HDAC9: variants seen among roughly 807,000 people sequenced by gnomAD.
The protein encoded by HDAC9 is histone deacetylase 9.
A neutral mutation model predicts 139.4 loss-of-function variants in HDAC9; 41 were observed. The observed-to-expected ratio is 0.29, with a 90% CI of 0.23 to 0.38. The LOEUF (loss-of-function observed/expected upper bound fraction) is 0.38. HDAC9 is among the 10% of genes least tolerant of loss of function. The pLI, the probability that HDAC9 is intolerant of heterozygous loss-of-function variation, is 1.00. For synonymous variants in HDAC9, 517 were observed against 476.2 expected (o/e 1.09, Z -1.12); for missense variants, 1,147 against 1,297.0 (o/e 0.88, Z 1.78).
At chr7:18,706,810 T>C (rs1209829215) in intron 12 of HDAC9, among the ~76,000 whole-genome samples, 1 of 152,092 alleles carries the variant, frequency 6.6e-6, no homozygotes, top group Non-Finnish European at 1.5e-5. Flanking sequence ...TTCAGAAAGC[T>C]TGGGAAGAGG....
chr7:18,697,504 T>G (rs1461539570), intron 12 of HDAC9, among the ~76,000 whole-genome samples: 3 of 152,182 alleles, frequency 2.0e-5, no homozygotes, highest in Admixed American at 1.3e-4. Context: ...TGCTGAAAAT[T>G]ATCTTGCTGT....
intron 2 of HDAC9, among the ~76,000 whole-genome samples, chr7:18,267,781 T>C (rs566185685): frequency 6.6e-6 from 1 of 152,250 alleles, no homozygotes; most frequent in Admixed American, 6.5e-5. Flanking sequence ...CTCTTTGACA[T>C]ATTTACTTCA....
In HDAC9 at chr7:18,412,167, G is replaced by T. The variant is rs144355990; in HGVS notation, c.-41-84095G>T. 7.7e-4 allele frequency among the ~76,000 whole-genome samples: 117 copies of T among 152,152 alleles called. 2 individuals carry two copies. The highest frequency in any genetic ancestry group is 2.6e-3 in the African/African-American group (108 of 41,500). On this transcript the variant is annotated intron_variant, in intron 1 of 3. Coordinates refer to the HDAC9 transcript ENST00000413509. ...TTTCAATGTATGATGGGCTTATAGG[G>T]TTATAACCCCATCCTAAGTGGAGGA...
intron 1 of HDAC9, among the ~76,000 whole-genome samples, chr7:18,156,048 C>T (rs1787173765): frequency 6.6e-6 from 1 of 152,168 alleles, no homozygotes; most frequent in Non-Finnish European, 1.5e-5. Flanking sequence ...GCACTGTGAG[C>T]ACAGTCCTGC....
intron 2 of HDAC9, among the ~76,000 whole-genome samples, chr7:18,547,305 C>G (rs577332750): frequency 5.6e-4 from 85 of 152,174 alleles, no homozygotes; most frequent in African/African-American, 1.7e-3. Context: ...GCACGATCTC[C>G]GCTCACTGCA....
intron 1 of HDAC9, among the ~76,000 whole-genome samples, chr7:18,114,866 T>C (rs1783862225): frequency 6.6e-6 from 1 of 152,242 alleles, no homozygotes; most frequent in Non-Finnish European, 1.5e-5. Flanking sequence ...ATATTCAGAC[T>C]TCTTGTTTGA....
At chr7:18,333,455 C>G (rs901548725) in intron 1 of HDAC9, among the ~76,000 whole-genome samples, 2 of 151,518 alleles carry the variant, frequency 1.3e-5, no homozygotes, top group Non-Finnish European at 3.0e-5. Context: ...CTATGTTCAT[C>G]TGCTTCACTA....
At chr7:18,578,316 A>G in intron 2 of HDAC9, 1 of 481,664 alleles carries the variant, frequency 2.1e-6, no homozygotes, top group Non-Finnish European at 4.2e-6. Context: ...CCCTTCACAC[A>G]TGTTAGCCTG....
intron 2 of HDAC9, among the ~76,000 whole-genome samples, chr7:18,212,772 A>G (rs1177977608): frequency 6.6e-6 from 1 of 152,212 alleles, no homozygotes; most frequent in Non-Finnish European, 1.5e-5. Context: ...CTTGTAGTCC[A>G]TCTGTGCAGC....
intron 17 of HDAC9, among the ~76,000 whole-genome samples, chr7:18,811,375 A>T (rs564605899): frequency 1.3e-5 from 2 of 151,904 alleles, no homozygotes; most frequent in East Asian, 3.9e-4. Flanking sequence ...TACAGCATTT[A>T]TTGCTATAAA....
At chr7:18,380,982 G>A (rs572241015) in intron 1 of HDAC9, among the ~76,000 whole-genome samples, 2 of 152,088 alleles carry the variant, frequency 1.3e-5, no homozygotes, top group South Asian at 4.1e-4. Flanking sequence ...CAGATCGCTT[G>A]AGGCCAGGAA....
chr7:18,780,306 C>T (rs1159719551), intron 16 of HDAC9, among the ~76,000 whole-genome samples: 1 of 152,054 alleles, frequency 6.6e-6, no homozygotes, highest in Non-Finnish European at 1.5e-5. Flanking sequence ...AAATTTAAAA[C>T]AGCTTTTTAC....
chr7:18,816,508 A>G (rs915817690), intron 17 of HDAC9, among the ~76,000 whole-genome samples: 17 of 152,218 alleles, frequency 1.1e-4, no homozygotes, highest in African/African-American at 4.1e-4. Flanking sequence ...ATTTAACAGG[A>G]TATTAACTGT....
intron 23 of HDAC9, among the ~76,000 whole-genome samples, chr7:18,946,694 G>A (rs1285903472): frequency 6.6e-6 from 1 of 151,920 alleles, no homozygotes; most frequent in African/African-American, 2.4e-5. Flanking sequence ...TGAAAAAATT[G>A]GCAAAACCAC....
intron 16 of HDAC9, among the ~76,000 whole-genome samples, chr7:18,790,999 A>G (rs1792254355): frequency 6.6e-6 from 1 of 152,200 alleles, no homozygotes; most frequent in Non-Finnish European, 1.5e-5. Context: ...TTAGACACCA[A>G]AATTAATGTC....
At chr7:18,228,127 G>A (rs1054796501) in intron 2 of HDAC9, among the ~76,000 whole-genome samples, 1 of 152,120 alleles carries the variant, frequency 6.6e-6, no homozygotes, top group Non-Finnish European at 1.5e-5. Context: ...TTAATGTTTA[G>A]TGGCAAAAGA....
intron 2 of HDAC9, among the ~76,000 whole-genome samples, chr7:18,176,445 C>T (rs193176515): frequency 2.0e-5 from 3 of 152,274 alleles, no homozygotes; most frequent in Non-Finnish European, 4.4e-5. Flanking sequence ...GGTTCATGGA[C>T]ATGTAAATTT....
At chr7:18,801,701 G>A (rs1246228086) in intron 17 of HDAC9, among the ~76,000 whole-genome samples, 1 of 152,024 alleles carries the variant, frequency 6.6e-6, no homozygotes, top group Non-Finnish European at 1.5e-5. Flanking sequence ...TAAAGTCACA[G>A]AGCCTTGTTA....
intron 1 of HDAC9, among the ~76,000 whole-genome samples, chr7:18,478,916 A>C (rs1795333618): frequency 6.6e-6 from 1 of 152,116 alleles, no homozygotes; most frequent in African/African-American, 2.4e-5. Flanking sequence ...TGGATTGGAC[A>C]TTAGAGTTTC....
Sources: gnomAD v4.1 joint callset for allele counts (sites outside exome capture counted in the v4.1 genomes callset) on GRCh38, gnomAD v4.1.1 for gene constraint, MANE v1.5 for transcripts, NCBI Gene and HGNC (gene_info 2026-07-23, HGNC 2026-07-21) for gene names.